The following TJP2 variants were observed in gnomAD, a reference collection of about 807,000 sequenced individuals.
The protein encoded by TJP2 is Friedreich ataxia region gene X104 (tight junction protein ZO-2).
TJP2 carries 91 observed loss-of-function variants against 133.1 expected under a neutral mutation model. The ratio of observed to expected loss-of-function variants is 0.68; its 90% confidence interval spans 0.58 to 0.81. The LOEUF (loss-of-function observed/expected upper bound fraction) is 0.81, where lower values mean the gene tolerates loss of function less well. Ranked by LOEUF, TJP2 falls within the 40% of genes least tolerant of loss-of-function variation. The probability of loss-of-function intolerance (pLI) is 0.00; values close to 1 mark genes in which losing one functional copy is unlikely to be tolerated. For missense variants in TJP2, 1,541 were observed against 1,565.6 expected (o/e 0.98, Z 0.26); for synonymous variants, 592 against 583.4 (o/e 1.01, Z -0.21).
chr9:69,176,774 C>G (rs1486051232), intron 1 of TJP2, among the ~76,000 whole-genome samples: 1 of 152,234 alleles, frequency 6.6e-6, no homozygotes, highest in Non-Finnish European at 1.5e-5. Flanking sequence ...TTTCTGCATA[C>G]TGCTGAAGGC....
chr9:69,230,282 T>C, intron 11 of TJP2, 50 bp downstream of exon 11: 1 of 1,611,204 alleles, frequency 6.2e-7, no homozygotes, highest in Non-Finnish European at 8.5e-7. Context: ...AGGAGTGCAC[T>C]TTTCTGGGTG....
At chr9:69,222,357 A>G (rs969983422) in intron 5 of TJP2, among the ~76,000 whole-genome samples, 3 of 143,930 alleles carry the variant, frequency 2.1e-5, no homozygotes, top group African/African-American at 2.6e-5. Flanking sequence ...TTGTATTTTC[A>G]GTAGAGACAG....
At position 69,227,888 on chromosome 9, in the gene TJP2, A is replaced by C; in HGVS notation, c.1319+15A>C. On this transcript the variant is annotated intron_variant, in intron 8 of 22. Coordinates refer to ENST00000377245, the MANE Select transcript of TJP2 (RefSeq NM_004817.4). ...GAAAGGCCAAGGTAAGATGACATGAATATTCTCTTGTACATGTCATTGTGA... is the reference window on the plus strand; with the variant it reads ...GAAAGGCCAAGGTAAGATGACATGACTATTCTCTTGTACATGTCATTGTGA... The C allele has an allele frequency of 6.2e-7, 1 of 1,612,922 alleles. No individual in the cohort carries two copies.
intron 1 of TJP2, among the ~76,000 whole-genome samples, chr9:69,177,242 T>G (rs1031940536): frequency 6.6e-6 from 1 of 152,202 alleles, no homozygotes; most frequent in African/African-American, 2.4e-5. Context: ...TATATGGTAG[T>G]GTCTGAGGGT....
chr9:69,159,786 G>A (rs1823967217), intron 2 of TJP2, among the ~76,000 whole-genome samples: 1 of 150,956 alleles, frequency 6.6e-6, no homozygotes, highest in African/African-American at 2.4e-5. Flanking sequence ...TGAGGCAGGA[G>A]AATCACTTGA....
In TJP2 at chr9:69,221,103, C is replaced by A. The variant is rs201191711; in HGVS notation, c.559C>A (p.Arg187=). ...GCGTCCCCATGAGCGGGCCCGGAGC[C>A]GGGAGCGGGACCTCAGCCGGGACCG... is the stretch of plus-strand genomic sequence containing the variant. ...RGRPHERARS[R]ERDLSRDRSR... The change falls in exon 5 of 23, where the codon CGG becomes AGG. Residue 187 remains arginine, a synonymous_variant. Transcript: ENST00000377245. 1.0e-5 allele frequency: 16 copies of A among 1,583,378 alleles called. No homozygotes were observed. The highest frequency in any genetic ancestry group is 1.3e-5 in the Non-Finnish European group (15 of 1,165,334).
Position 69,127,231 on chromosome 9 carries a change from G to A in TJP2, c.-131+5506G>A, listed in dbSNP as rs1221892191. On this transcript the variant is annotated intron_variant, in intron 1 of 5. Coordinates refer to the TJP2 transcript ENST00000423935. ...ACTACAGGTGCCCGCCACCACGCCC[G>A]GCTAATTTTTTGTATTTTTAGTAGA... Among the ~76,000 whole-genome samples, 2 of 71,038 alleles carry A rather than the reference G, an allele frequency of 2.8e-5. 1 individual carries two copies. The highest frequency in any genetic ancestry group is 6.1e-5 in the Non-Finnish European group (2 of 32,610). 46.6% of individuals were successfully genotyped at this position (71,038 alleles called of 152,430 possible).
At position 69,124,071 on chromosome 9, in the gene TJP2, G is replaced by A. The variant is rs1822249485; in HGVS notation, c.-131+2346G>A. Among the ~76,000 whole-genome samples the A allele has an allele frequency of 5.4e-5, 4 of 73,976 alleles. 1 individual carries two copies. Among genetic ancestry groups the A allele is most frequent in the African/African-American group, 8.3e-5 (2 of 24,018 alleles). 48.5% of individuals were successfully genotyped at this position (73,976 alleles called of 152,430 possible). On this transcript the variant is annotated intron_variant, in intron 1 of 5. Transcript: ENST00000423935. Reference sequence around the variant, plus strand: ...TTTTTTTCTTTTTTTTAGTAGAGACGGGGTTTCACCGTGTTAGCCAGGATG... The same window carrying A: ...TTTTTTTCTTTTTTTTAGTAGAGACAGGGTTTCACCGTGTTAGCCAGGATG...
At chr9:69,219,454 A>G (rs1028429696) in intron 4 of TJP2, among the ~76,000 whole-genome samples, 1 of 152,156 alleles carries the variant, frequency 6.6e-6, no homozygotes, top group African/African-American at 2.4e-5. Flanking sequence ...GGAAAGTTAC[A>G]GACATGACAG....
chr9:69,208,243 C>T (rs1456566678), intron 1 of TJP2, among the ~76,000 whole-genome samples: 1 of 152,144 alleles, frequency 6.6e-6, no homozygotes, highest in African/African-American at 2.4e-5. Context: ...TTCTCTTTAT[C>T]ACTTGGCTTA....
intron 1 of TJP2, among the ~76,000 whole-genome samples, chr9:69,189,770 G>T (rs1330362987): frequency 1.8e-5 from 2 of 108,994 alleles, no homozygotes; most frequent in African/African-American, 6.9e-5. Flanking sequence ...TGGACTTGAT[G>T]GTGGGCAAGG....
chr9:69,219,084 C>T (rs926977990), intron 4 of TJP2, among the ~76,000 whole-genome samples: 5 of 152,006 alleles, frequency 3.3e-5, no homozygotes, highest in Non-Finnish European at 7.4e-5. Context: ...ATTCTCCTGC[C>T]TCAGCCTCCC....
chr9:69,142,347 C>CTAAA (rs777832733), intron 1 of TJP2, among the ~76,000 whole-genome samples: 18 of 152,168 alleles, frequency 1.2e-4, no homozygotes, highest in Middle Eastern at 3.2e-3. Flanking sequence ...AAGAGCCACA[C>CTAAA]TAAACTTTAT....
intron 1 of TJP2, among the ~76,000 whole-genome samples, chr9:69,185,790 C>T (rs756910734): frequency 1.3e-5 from 2 of 151,596 alleles, no homozygotes; most frequent in Admixed American, 6.6e-5. Flanking sequence ...AAATCTCTCG[C>T]GGAGGGAACA....
intron 2 of TJP2, 29 bp downstream of exon 2, chr9:69,212,630 CA>C (rs766482308): frequency 6.4e-7 from 1 of 1,563,776 alleles, no homozygotes; most frequent in East Asian, 2.2e-5. Flanking sequence ...ATATATTCTA[CA>C]GTCATGTTCT....
At chr9:69,150,297 CTT>C (rs1342768790) in intron 1 of TJP2, among the ~76,000 whole-genome samples, 4 of 142,170 alleles carry the variant, frequency 2.8e-5, no homozygotes, top group Admixed American at 7.0e-5. Context: ...TTTTTCTTTT[CTT>C]TTTTTTTTTT....
chr9:69,225,307 A>G lies in TJP2; in HGVS notation c.956A>G (p.Tyr319Cys). ...LLMKSRANEE[Y>C]GLRLGSQIFV... Reference sequence around the variant, plus strand: ...TGTTTATGTGTTTGTCTCCTAGAGTATGGTCTCCGGCTTGGGAGTCAGATC... The same window carrying G: ...TGTTTATGTGTTTGTCTCCTAGAGTGTGGTCTCCGGCTTGGGAGTCAGATC... The change falls in exon 6 of 23, where the codon TAT (tyrosine) becomes TGT (cysteine). Residue 319 changes from tyrosine to cysteine, a missense_variant. Coordinates refer to ENST00000377245, the MANE Select transcript of TJP2 (RefSeq NM_004817.4). 5 of 1,609,690 alleles carry G rather than the reference A, an allele frequency of 3.1e-6. No individual in the cohort carries two copies. The highest frequency in any genetic ancestry group is 4.3e-6 in the Non-Finnish European group (5 of 1,176,172).
intron 1 of TJP2, among the ~76,000 whole-genome samples, chr9:69,184,292 G>A (rs889882687): frequency 2.6e-5 from 4 of 152,118 alleles, no homozygotes; most frequent in Non-Finnish European, 5.9e-5. Context: ...GAAGCCCACC[G>A]CTGGCTTTCT....
intron 11 of TJP2, among the ~76,000 whole-genome samples, chr9:69,231,759 A>G (rs1252485300): frequency 2.0e-5 from 3 of 152,190 alleles, no homozygotes. Flanking sequence ...ATGTACCTGC[A>G]CGAACCTCAT....
Sources: gnomAD v4.1 joint callset for allele counts (sites outside exome capture counted in the v4.1 genomes callset) on GRCh38, gnomAD v4.1.1 for gene constraint, MANE v1.5 for transcripts, NCBI Gene and HGNC (gene_info 2026-07-23, HGNC 2026-07-21) for gene names.